The following L3MBTL4 variants were observed in gnomAD, a reference collection of about 807,000 sequenced individuals.
L3MBTL4 encodes the protein L3MBTL histone methyl-lysine binding protein 4.
In L3MBTL4, 70 loss-of-function variants were observed where a neutral mutation model predicts 84.5. The observed-to-expected ratio is 0.83, with a 90% CI of 0.68 to 1.01. L3MBTL4 has a LOEUF of 1.01. Among genes scored for constraint, L3MBTL4 ranks in the 50% least tolerant of loss-of-function variants. The pLI, the probability that L3MBTL4 is intolerant of heterozygous loss-of-function variation, is 0.00. For missense variants in L3MBTL4, 715 were observed against 754.8 expected (o/e 0.95, Z 0.62); for synonymous variants, 274 against 259.8 (o/e 1.05, Z -0.52).
At chr18:6,134,615 T>A (rs28821618) in intron 14 of L3MBTL4, among the ~76,000 whole-genome samples, 30,740 of 152,062 alleles carry the variant, frequency 0.2, 4,162 homozygotes, top group African/African-American at 0.38. Context: ...GCAAGTCTGA[T>A]ATCCAGCAGG....
Position 6,213,627 on chromosome 18 carries a change from G to T in L3MBTL4, c.871-368C>A, listed in dbSNP as rs544026154. On this transcript the variant is annotated intron_variant, in intron 11 of 18. Coordinates refer to ENST00000317931, the MANE Select transcript of L3MBTL4 (RefSeq NM_001330559.2). ...GGGTTTCACCATGTTGGCCAGGCTG[G>T]TCTTGAACCCTTGACCTCAGGTGAT... is the stretch of plus-strand genomic sequence containing the variant. 4.6e-5 allele frequency among the ~76,000 whole-genome samples: 7 copies of T among 152,276 alleles called. No individual in the cohort carries two copies. In the South Asian group the frequency reaches 1.4e-3, roughly 32 times the overall value.
chr18:6,285,808 T>G (rs900894651), intron 4 of L3MBTL4, among the ~76,000 whole-genome samples: 1 of 125,352 alleles, frequency 8.0e-6, no homozygotes, highest in Admixed American at 8.0e-5. Context: ...TTTTAAAAGA[T>G]ATATTATTAT....
intron 1 of L3MBTL4, among the ~76,000 whole-genome samples, chr18:6,362,005 A>G (rs781309623): frequency 1.6e-4 from 24 of 151,726 alleles, no homozygotes; most frequent in Non-Finnish European, 3.2e-4. Flanking sequence ...GCTACTTGAG[A>G]GGCTGAGGTG....
chr18:6,058,426 A>G (rs1246021625), intron 16 of L3MBTL4, among the ~76,000 whole-genome samples: 1 of 152,096 alleles, frequency 6.6e-6, no homozygotes, highest in East Asian at 1.9e-4. Context: ...ACTTTTTCGT[A>G]CAAAACAGGC....
At chr18:6,131,273 C>T (rs921373179) in intron 14 of L3MBTL4, among the ~76,000 whole-genome samples, 1 of 152,112 alleles carries the variant, frequency 6.6e-6, no homozygotes, top group African/African-American at 2.4e-5. Context: ...GAAATTGCCA[C>T]CTTCTTAAAG....
chr18:6,305,496 C>T (rs572587413), intron 3 of L3MBTL4, among the ~76,000 whole-genome samples: 2 of 152,174 alleles, frequency 1.3e-5, no homozygotes, highest in African/African-American at 4.8e-5. Flanking sequence ...AAAAAATTAG[C>T]GCTTTATCTT....
intron 16 of L3MBTL4, chr18:6,031,900 T>G (rs955841476): frequency 1.5e-5 from 14 of 905,532 alleles, no homozygotes; most frequent in Middle Eastern, 5.6e-4. Flanking sequence ...AGCCTGGGCT[T>G]TTAGAGTAAT....
chr18:6,029,841 A>G, intron 16 of L3MBTL4: 9 of 985,412 alleles, frequency 9.1e-6, no homozygotes, highest in Non-Finnish European at 1.1e-5. Flanking sequence ...GAAATGCCGA[A>G]AAGGATTAGA....
chr18:6,320,367 A>G (rs1041923394), intron 1 of L3MBTL4, among the ~76,000 whole-genome samples: 2 of 152,096 alleles, frequency 1.3e-5, no homozygotes, highest in African/African-American at 4.8e-5. Context: ...CTATATATCT[A>G]GAAAACCCTA....
Position 6,057,146 on chromosome 18 carries a change from T to G in L3MBTL4, c.1444+23735A>C, listed in dbSNP as rs923178335. On this transcript the variant is annotated intron_variant, in intron 16 of 18. Coordinates refer to ENST00000317931, the MANE Select transcript of L3MBTL4 (RefSeq NM_001330559.2). ...CCCAGGCTCAAGCGATTCTCCTGCCTCAGCCTCTCGAGTATCTGGGATTAC... is the reference window on the plus strand; with the variant it reads ...CCCAGGCTCAAGCGATTCTCCTGCCGCAGCCTCTCGAGTATCTGGGATTAC... 9.2e-5 allele frequency among the ~76,000 whole-genome samples: 14 copies of G among 152,216 alleles called. No homozygotes were observed. The East Asian group carries it at 2.3e-3, about 25-fold the overall frequency.
rs201140945 is a variant in L3MBTL4, at chr18:6,163,257, TGTGG to T, written c.1096+8567_1096+8570del. ...GTGTGTTTGTCTACGGGTGTGTGTG[TGTGG>T]GGGGGGGGTGGGTGTGTGTGTGTGT... On this transcript the variant is annotated intron_variant, in intron 13 of 18. Transcript: ENST00000317931. 5.2e-4 allele frequency among the ~76,000 whole-genome samples: 23 copies of T among 44,180 alleles called. 1 individual carries two copies. Among genetic ancestry groups the T allele is most frequent in the African/African-American group, 1.5e-3 (21 of 14,248 alleles). The allele number at this position is 44,180 out of a possible 152,430, so 29.0% of individuals were successfully genotyped here.
At chr18:6,345,321 C>T (rs1370210090) in intron 1 of L3MBTL4, among the ~76,000 whole-genome samples, 1 of 151,708 alleles carries the variant, frequency 6.6e-6, no homozygotes, top group Non-Finnish European at 1.5e-5. Flanking sequence ...TGCTTTAACC[C>T]GTGAGGCGGA....
chr18:6,136,167 G>A (rs915205475), intron 14 of L3MBTL4, among the ~76,000 whole-genome samples: 1 of 152,174 alleles, frequency 6.6e-6, no homozygotes, highest in African/African-American at 2.4e-5. Context: ...CTCTCCCTGG[G>A]TCCCTCCCAC....
At chr18:6,132,068 A>G (rs990259025) in intron 14 of L3MBTL4, among the ~76,000 whole-genome samples, 2 of 152,126 alleles carry the variant, frequency 1.3e-5, no homozygotes, top group Non-Finnish European at 2.9e-5. Context: ...ACACTCTCCA[A>G]TGATACCCTT....
At chr18:6,237,519 G>A (rs1187142506) in intron 10 of L3MBTL4, among the ~76,000 whole-genome samples, 1 of 129,314 alleles carries the variant, frequency 7.7e-6, no homozygotes, top group Non-Finnish European at 1.5e-5. Flanking sequence ...GCAGTGACAC[G>A]ATCTCGGCTC....
chr18:6,223,242 A>T (rs2046635974), intron 10 of L3MBTL4, among the ~76,000 whole-genome samples: 1 of 152,120 alleles, frequency 6.6e-6, no homozygotes, highest in Admixed American at 6.6e-5. Flanking sequence ...TTGAATGCTC[A>T]ATTTCCAGTT....
chr18:5,982,024 G>A (rs1197307486), intron 16 of L3MBTL4, among the ~76,000 whole-genome samples: 2 of 132,246 alleles, frequency 1.5e-5, no homozygotes, highest in African/African-American at 6.5e-5. Context: ...GGAAAAAAAA[G>A]GAAGAACGAA....
At chr18:5,976,359 ACTTTCAAACT>A (rs760502613) in intron 16 of L3MBTL4, among the ~76,000 whole-genome samples, 3 of 152,232 alleles carry the variant, frequency 2.0e-5, no homozygotes, top group Non-Finnish European at 4.4e-5. Context: ...GCCAGTAGAA[ACTTTCAAACT>A]CTGTAAGTAG....
chr18:6,303,681 A>G (rs2050442584), intron 3 of L3MBTL4, among the ~76,000 whole-genome samples: 1 of 152,132 alleles, frequency 6.6e-6, no homozygotes. Flanking sequence ...ACATCTGGGG[A>G]AACTCCTGAG....
Sources: gnomAD v4.1 joint callset for allele counts (sites outside exome capture counted in the v4.1 genomes callset) on GRCh38, gnomAD v4.1.1 for gene constraint, MANE v1.5 for transcripts, NCBI Gene and HGNC (gene_info 2026-07-23, HGNC 2026-07-21) for gene names.